Variants in STRBP observed in about 807,000 individuals in gnomAD.
STRBP encodes the protein spermatid perinuclear RNA-binding protein.
STRBP carries 13 observed loss-of-function variants against 80.1 expected under a neutral mutation model. The observed-to-expected ratio is 0.16, with a 90% CI of 0.11 to 0.26. STRBP has a LOEUF of 0.26. STRBP is among the 10% of genes least tolerant of loss of function. The probability of loss-of-function intolerance (pLI) is 1.00; values close to 1 mark genes in which losing one functional copy is unlikely to be tolerated. For synonymous variants in STRBP, 284 were observed against 291.2 expected, an observed-to-expected ratio of 0.98 and a Z score of 0.25; for missense variants, 485 against 815.2, an observed-to-expected ratio of 0.59 and a Z score of 4.93.
At chr9:123,128,116 G>T in intron 18 of STRBP, 98 bp downstream of exon 18, 1 of 1,419,482 alleles carries the variant, frequency 7.0e-7, no homozygotes, top group South Asian at 1.2e-5. Flanking sequence ...ATAAATCTGA[G>T]ATCCTCCAAT....
At chr9:123,198,780 T>C (rs956240870) in intron 2 of STRBP, among the ~76,000 whole-genome samples, 27 of 152,216 alleles carry the variant, frequency 1.8e-4, no homozygotes, top group South Asian at 6.2e-4. Context: ...TAGTGAGAGA[T>C]AGACAGTTTC....
chr9:123,179,538 G>GGA (rs1326307779), intron 3 of STRBP, among the ~76,000 whole-genome samples: 1 of 152,188 alleles, frequency 6.6e-6, no homozygotes, highest in African/African-American at 2.4e-5. Context: ...CACTTTGGGA[G>GGA]ACCGAGGTGG....
rs936163812 is a variant in STRBP at position 123,136,747 on chromosome 9, A to G, written c.1498-232T>C. 2.0e-5 allele frequency among the ~76,000 whole-genome samples: 3 copies of G among 152,170 alleles called. No individual in the cohort carries two copies. Among genetic ancestry groups the G allele is most frequent in the African/African-American group, 7.2e-5 (3 of 41,440 alleles). On this transcript the variant is annotated intron_variant, in intron 14 of 18. Coordinates refer to ENST00000348403, the MANE Select transcript of STRBP (RefSeq NM_018387.5). This position sits in a 1 kb window ranked among gnomAD's most constrained non-coding sequence, Gnocchi z 4.2. The stretch of plus-strand genomic sequence containing the variant: ...CCAGCCTTCCTTCGAAGCAGTATTC[A>G]AGACCAATCAATGCAACCTCACCAC...
At chr9:123,134,234 A>G (rs2036260744) in intron 16 of STRBP, among the ~76,000 whole-genome samples, 1 of 152,218 alleles carries the variant, frequency 6.6e-6, no homozygotes, top group Non-Finnish European at 1.5e-5. Flanking sequence ...CACTATAACC[A>G]AGGTGCAAGA....
chr9:123,244,340 G>A (rs1273327768), intron 1 of STRBP, among the ~76,000 whole-genome samples: 2 of 152,134 alleles, frequency 1.3e-5, no homozygotes, highest in African/African-American at 2.4e-5. Flanking sequence ...CAGATTTTTA[G>A]GGCAGTAAAA....
At chr9:123,254,576 G>A (rs2040987075) in intron 1 of STRBP, among the ~76,000 whole-genome samples, 1 of 151,888 alleles carries the variant, frequency 6.6e-6, no homozygotes, top group African/African-American at 2.4e-5. Flanking sequence ...GAACAAAGCA[G>A]GACTAAAAGG....
At position 123,124,876 on chromosome 9, in the gene STRBP, A is replaced by G. The variant is rs2035837985; in HGVS notation, c.*721T>C. ...GATGGCCCTTGTACAACAGGAGTACAAAGGGCTTACAAAGTGAGTAGACTG... is the reference window on the plus strand; with the variant it reads ...GATGGCCCTTGTACAACAGGAGTACGAAGGGCTTACAAAGTGAGTAGACTG... On this transcript the variant is annotated 3_prime_UTR_variant, in exon 19 of 19. Transcript: ENST00000348403. 2 of 985,458 alleles carry G rather than the reference A, an allele frequency of 2.0e-6. No homozygotes were observed. The highest frequency in any genetic ancestry group is 1.2e-6 in the Non-Finnish European group (1 of 829,954). 61.0% of individuals were successfully genotyped at this position (985,458 alleles called of 1,614,324 possible). A position where few individuals can be genotyped will look rare whatever the true frequency, so the allele number is the denominator to read the frequency against.
intron 1 of STRBP, among the ~76,000 whole-genome samples, chr9:123,249,005 T>C (rs1356549697): frequency 6.6e-6 from 1 of 152,252 alleles, no homozygotes; most frequent in African/African-American, 2.4e-5. Context: ...GGCAGCTCTT[T>C]ACTTCAAGGA....
chr9:123,223,459 G>C (rs1431650926), intron 2 of STRBP, among the ~76,000 whole-genome samples: 1 of 152,104 alleles, frequency 6.6e-6, no homozygotes, highest in African/African-American at 2.4e-5. Context: ...GGAGTGAGGG[G>C]ATAGAATGAT....
At position 123,115,160 on chromosome 9, in the gene STRBP, G is replaced by C. The variant is rs976807248; in HGVS notation, c.*84+769C>G. ...CACTTGACTCTGCTCATCCTCTCGG[G>C]TCCCACAGCAAGGCCCTTCACACTC... On this transcript the variant is annotated intron_variant and NMD_transcript_variant, in intron 3 of 3. Transcript: ENST00000471564. This position sits in a 1 kb window ranked among gnomAD's most constrained non-coding sequence, Gnocchi z 5.0. 2.1e-6 allele frequency: 1 copy of C among 465,840 alleles called. No homozygotes were observed. Among genetic ancestry groups the C allele is most frequent in the Non-Finnish European group, 4.5e-6 (1 of 223,352 alleles). 28.9% of individuals were successfully genotyped at this position (465,840 alleles called of 1,614,324 possible).
At chr9:123,159,904 T>G (rs1055428704) in intron 8 of STRBP, among the ~76,000 whole-genome samples, 1 of 152,180 alleles carries the variant, frequency 6.6e-6, no homozygotes, top group Non-Finnish European at 1.5e-5. Context: ...ATTACTAACA[T>G]GAACTTATTT....
At chr9:123,260,700 T>A (rs1347376204) in intron 1 of STRBP, among the ~76,000 whole-genome samples, 1 of 152,176 alleles carries the variant, frequency 6.6e-6, no homozygotes, top group East Asian at 1.9e-4. Context: ...AAGTATATGA[T>A]GTCTAAGATT....
chr9:123,171,513 T>C (rs754168047), intron 5 of STRBP, among the ~76,000 whole-genome samples: 1 of 152,074 alleles, frequency 6.6e-6, no homozygotes, highest in Non-Finnish European at 1.5e-5. Flanking sequence ...GGGAGAAAGG[T>C]TTAATTGTAA....
intron 4 of STRBP, 123 bp from the exon 5 acceptor site, chr9:123,173,965 A>G (rs1204642626): frequency 2.8e-6 from 3 of 1,059,522 alleles, no homozygotes; most frequent in Non-Finnish European, 4.0e-6. Context: ...CAGACATCCA[A>G]GTATCCACAA....
intron 3 of STRBP, chr9:123,111,611 T>C (rs967474543): frequency 2.1e-6 from 1 of 477,854 alleles, no homozygotes; most frequent in Non-Finnish European, 4.3e-6. Flanking sequence ...GACAAGAGCC[T>C]TCCTATGAAG....
chr9:123,193,362 T>C (rs911338561), intron 2 of STRBP, among the ~76,000 whole-genome samples: 5 of 152,128 alleles, frequency 3.3e-5, no homozygotes, highest in African/African-American at 1.2e-4. Context: ...CTCTTCCCAT[T>C]ATTTCCATGG....
intron 5 of STRBP, among the ~76,000 whole-genome samples, chr9:123,171,645 C>T (rs2038015370): frequency 6.6e-6 from 1 of 152,092 alleles, no homozygotes; most frequent in African/African-American, 2.4e-5. Flanking sequence ...TCATCATCCC[C>T]ATTTTACAAG....
At chr9:123,186,499 C>T (rs913081599) in intron 2 of STRBP, among the ~76,000 whole-genome samples, 2 of 151,992 alleles carry the variant, frequency 1.3e-5, no homozygotes, top group Non-Finnish European at 2.9e-5. Flanking sequence ...CATCAAGAAC[C>T]TCTGGGAACT....
chr9:123,140,007 A>G (rs1376142433), intron 13 of STRBP, among the ~76,000 whole-genome samples: 1 of 152,198 alleles, frequency 6.6e-6, no homozygotes, highest in African/African-American at 2.4e-5. Flanking sequence ...CTAGGTTCAA[A>G]CCAATAGGAT....
Sources: allele counts gnomAD v4.1 joint callset (sites outside exome capture counted in the v4.1 genomes callset), GRCh38; gene constraint gnomAD v4.1.1; non-coding constraint Gnocchi (gnomAD v3.1); transcripts MANE v1.5; gene names NCBI Gene and HGNC (gene_info 2026-07-23, HGNC 2026-07-21).